The following CKMT2 variants were observed in gnomAD, a reference collection of about 807,000 sequenced individuals.
CKMT2 encodes the protein creatine kinase S-type, mitochondrial.
CKMT2 carries 43 observed loss-of-function variants against 48.9 expected under a neutral mutation model. The ratio of observed to expected loss-of-function variants is 0.88; its 90% CI spans 0.69 to 1.13. The LOEUF (loss-of-function observed/expected upper bound fraction) is 1.13, where lower values mean the gene tolerates loss of function less well. CKMT2 is among the 50% of genes most tolerant of loss of function. The pLI, the probability that CKMT2 is intolerant of heterozygous loss-of-function variation, is 0.00. For missense variants in CKMT2, 472 were observed against 555.4 expected, an observed-to-expected ratio of 0.85 and a Z score of 1.51; for synonymous variants, 206 against 213.0, an observed-to-expected ratio of 0.97 and a Z score of 0.29.
chr5:81,254,960 C>T lies in CKMT2; in HGVS notation c.448-33C>T, dbSNP rs974402108. The T allele has an allele frequency of 1.9e-6, 3 of 1,578,312 alleles. No homozygotes were observed. In the Admixed American group the frequency reaches 5.0e-5, roughly 26 times the overall value. ...GCTGTGGCAGGACCATGGTCCGAGG[C>T]TGGCCACAGTGACCCCACAGTCTGC... On this transcript the variant is annotated intron_variant, in intron 4 of 9. Coordinates refer to ENST00000254035, the MANE Select transcript of CKMT2 (RefSeq NM_001099735.2).
intron 1 of CKMT2, among the ~76,000 whole-genome samples, chr5:81,234,042 A>AAAC (rs1580426756): frequency 1.3e-5 from 2 of 151,202 alleles, no homozygotes; most frequent in East Asian, 3.9e-4. Flanking sequence ...AAAAAAAAAA[A>AAAC]AAAACCTATG....
chr5:81,260,807 TCCTTC>T (rs1411331327), intron 8 of CKMT2, among the ~76,000 whole-genome samples: 1 of 152,134 alleles, frequency 6.6e-6, no homozygotes, highest in Non-Finnish European at 1.5e-5. Flanking sequence ...CTGGTACCAG[TCCTTC>T]TGAAACTATT....
chr5:81,256,529 G>C (rs1177375403), intron 5 of CKMT2, among the ~76,000 whole-genome samples: 2 of 152,162 alleles, frequency 1.3e-5, no homozygotes, highest in Non-Finnish European at 2.9e-5. Flanking sequence ...GCACTGTGTA[G>C]AACAGCCTTT....
At chr5:81,263,958 C>T (rs757528631) in intron 9 of CKMT2, among the ~76,000 whole-genome samples, 6 of 152,176 alleles carry the variant, frequency 3.9e-5, no homozygotes, top group African/African-American at 1.4e-4. Context: ...AAAGTCAGAA[C>T]ATCTATGCTA....
At chr5:81,261,390 C>T (rs890177535) in intron 8 of CKMT2, among the ~76,000 whole-genome samples, 3 of 152,072 alleles carry the variant, frequency 2.0e-5, no homozygotes, top group Admixed American at 6.6e-5. Flanking sequence ...AGGGTATTCA[C>T]GCAGGAAGAG....
At chr5:81,233,991 C>A (rs566006677) in intron 1 of CKMT2, among the ~76,000 whole-genome samples, 1 of 149,954 alleles carries the variant, frequency 6.7e-6, no homozygotes, top group Non-Finnish European at 1.5e-5. Flanking sequence ...CCCCTCCCCA[C>A]CATCCTTACC....
intron 1 of CKMT2, among the ~76,000 whole-genome samples, chr5:81,248,882 C>A (rs73768054): frequency 6.6e-6 from 1 of 152,016 alleles, no homozygotes; most frequent in Non-Finnish European, 1.5e-5. Flanking sequence ...GTAGAGACTT[C>A]GAAATGACGG....
At chr5:81,264,858 C>A (rs892007136) in intron 9 of CKMT2, among the ~76,000 whole-genome samples, 11 of 151,982 alleles carry the variant, frequency 7.2e-5, no homozygotes, top group Non-Finnish European at 1.2e-4. Context: ...TTAAAAACTA[C>A]CCAAAAAACT....
At chr5:81,245,716 G>A (rs1756585642) in intron 1 of CKMT2, among the ~76,000 whole-genome samples, 1 of 152,170 alleles carries the variant, frequency 6.6e-6, no homozygotes, top group South Asian at 2.1e-4. Flanking sequence ...AGCGGGATGG[G>A]AAAGCTGAGA....
intron 1 of CKMT2, among the ~76,000 whole-genome samples, chr5:81,241,759 CT>C (rs1294312092): frequency 1.3e-5 from 2 of 152,222 alleles, no homozygotes; most frequent in Admixed American, 1.3e-4. Flanking sequence ...GGATGTCTGT[CT>C]TTGCAATCTC....
At position 81,251,225 on chromosome 5, in the gene CKMT2, G is replaced by A. The variant is rs749932126; in HGVS notation, c.93G>A (p.Leu31=). Residue 31 remains leucine, a synonymous_variant, in exon 2 of 10, where the codon CTG becomes CTA. Transcript: ENST00000254035. ...MGTSVLTTGY[L]LNRQKVCAEV... ...CCAGTGTCCTGACCACCGGGTACCT[G>A]CTGAACCGGCAGAAAGTGTGTGCCG... is the stretch of plus-strand genomic sequence containing the variant. The A allele has an allele frequency of 1.2e-6, 2 of 1,614,180 alleles. No individual in the cohort carries two copies. The highest frequency in any genetic ancestry group is 1.1e-5 in the South Asian group (1 of 91,084).
rs1580450254 is a variant in CKMT2, at chr5:81,255,160, C to T, written c.615C>T (p.Gly205=). 1 of 1,614,132 alleles carries T rather than the reference C, an allele frequency of 6.2e-7. No individual in the cohort carries two copies. Among genetic ancestry groups the T allele is most frequent in the Non-Finnish European group, 8.5e-7 (1 of 1,180,048 alleles). ...AGGGCCTCAAGGGGGACCTGGCTGG[C>T]CGCTACTACAAGCTGTCCGAGATGA... The part of the protein sequence containing the change: ...ALEGLKGDLA[G]RYYKLSEMTE... The change falls in exon 5 of 10, where the codon GGC becomes GGT. Residue 205 remains glycine (G), a synonymous_variant. Coordinates refer to ENST00000254035, the MANE Select transcript of CKMT2 (RefSeq NM_001099735.2).
intron 6 of CKMT2, among the ~76,000 whole-genome samples, chr5:81,257,488 G>A (rs192467189): frequency 6.6e-6 from 1 of 152,232 alleles, no homozygotes; most frequent in Admixed American, 6.5e-5. Flanking sequence ...GAGGACCTAG[G>A]GGGAATTAAT....
Position 81,252,695 on chromosome 5 carries a change from C to T in CKMT2, c.153C>T (p.Ser51=), listed in dbSNP as rs749247055. Reference sequence around the variant, plus strand: ...ACAGCCTGCCCTCCTCCCCACACAGCGCAGACTACCCAGACCTGCGCAAGC... The same window carrying T: ...ACAGCCTGCCCTCCTCCCCACACAGTGCAGACTACCCAGACCTGCGCAAGC... ...VREQPRLFPP[S]ADYPDLRKHN... is the part of the protein sequence containing the mutation. The change falls in exon 3 of 10, where the codon AGC becomes AGT. Residue 51 remains serine, a splice_region_variant and synonymous_variant. Transcript: ENST00000254035. 1.8e-5 allele frequency: 29 copies of T among 1,614,136 alleles called. 1 individual carries two copies. Among genetic ancestry groups the T allele is most frequent in the South Asian group, 1.3e-4 (12 of 91,090 alleles).
At chr5:81,262,392 C>A (rs534666383) in intron 8 of CKMT2, among the ~76,000 whole-genome samples, 30 of 152,172 alleles carry the variant, frequency 2.0e-4, no homozygotes, top group Non-Finnish European at 3.4e-4. Context: ...TCAGAGTGAA[C>A]AGGCAACCTA....
chr5:81,260,724 T>C (rs1479581113), intron 8 of CKMT2, among the ~76,000 whole-genome samples: 2 of 152,170 alleles, frequency 1.3e-5, no homozygotes, highest in Non-Finnish European at 1.5e-5. Flanking sequence ...CAGTAATTAA[T>C]AGCCTACCAA....
intron 1 of CKMT2, among the ~76,000 whole-genome samples, chr5:81,246,415 C>T (rs1424442147): frequency 6.6e-6 from 1 of 152,046 alleles, no homozygotes; most frequent in East Asian, 1.9e-4. Context: ...CTCTCTGCCC[C>T]TGCCTAGCCT....
intron 5 of CKMT2, among the ~76,000 whole-genome samples, chr5:81,255,509 C>G (rs940765666): frequency 1.3e-5 from 2 of 152,204 alleles, no homozygotes; most frequent in African/African-American, 4.8e-5. Flanking sequence ...GATCTCCTAG[C>G]TTGTTGATAA....
chr5:81,257,653 A>AAGGT (rs1437437063), intron 6 of CKMT2, 80 bp from the exon 7 acceptor site: 1 of 1,281,046 alleles, frequency 7.8e-7, no homozygotes, highest in Non-Finnish European at 1.1e-6. Flanking sequence ...TGAAGCAATC[A>AAGGT]AGCTAGGGAG....
Sources: gnomAD v4.1 joint callset for allele counts (sites outside exome capture counted in the v4.1 genomes callset) on GRCh38, gnomAD v4.1.1 for gene constraint, MANE v1.5 for transcripts, NCBI Gene and HGNC (gene_info 2026-07-23, HGNC 2026-07-21) for gene names.